Variants in GSE1 observed in about 807,000 individuals in gnomAD.
GSE1 encodes Gse1 coiled-coil protein, also known as genetic suppressor element 1.
A neutral mutation model predicts 112.6 loss-of-function variants in GSE1; 32 were observed. That is an observed-to-expected ratio of 0.28 (90% confidence interval 0.21 to 0.38). The LOEUF is 0.38. Among genes scored for constraint, GSE1 ranks in the 10% least tolerant of loss-of-function variants. The pLI, the probability that GSE1 is intolerant of heterozygous loss-of-function variation, is 1.00. For missense variants in GSE1, 2,348 were observed against 1,699.2 expected (o/e 1.38, Z -6.71); for synonymous variants, 1,115 against 735.6 (o/e 1.52, Z -8.35).
chr16:85,366,106 C>T (rs2047179918), intron 2 of GSE1, among the ~76,000 whole-genome samples: 1 of 152,276 alleles, frequency 6.6e-6, no homozygotes, highest in African/African-American at 2.4e-5. Flanking sequence ...CGGGCTTGGG[C>T]CTCCACCGCC....
intron 1 of GSE1, among the ~76,000 whole-genome samples, chr16:85,622,640 C>G (rs921908843): frequency 2.6e-5 from 4 of 152,178 alleles, no homozygotes; most frequent in African/African-American, 9.7e-5. Context: ...TGAGAGTGGA[C>G]CTTTTTGCAA....
At chr16:85,439,239 G>A (rs571426950) in intron 2 of GSE1, among the ~76,000 whole-genome samples, 2 of 152,366 alleles carry the variant, frequency 1.3e-5, no homozygotes, top group East Asian at 3.9e-4. Flanking sequence ...GGTGGGGCCC[G>A]GGAACAGGGG....
intron 2 of GSE1, among the ~76,000 whole-genome samples, chr16:85,542,651 G>C (rs1176370350): frequency 6.6e-6 from 1 of 152,234 alleles, no homozygotes; most frequent in Non-Finnish European, 1.5e-5. Context: ...CTCTGGCCTT[G>C]GTGCTGTGTT....
At chr16:85,296,818 T>A (rs569085841) in intron 1 of GSE1, among the ~76,000 whole-genome samples, 1 of 148,604 alleles carries the variant, frequency 6.7e-6, no homozygotes, top group South Asian at 2.1e-4. Context: ...ACTTGCTGCA[T>A]GTAACAGTCG....
At chr16:85,283,936 C>T (rs1354372173) in intron 1 of GSE1, among the ~76,000 whole-genome samples, 1 of 152,232 alleles carries the variant, frequency 6.6e-6, no homozygotes, top group Admixed American at 6.5e-5. Context: ...CCACGTCTCC[C>T]TCCTGCCCAC....
intron 1 of GSE1, among the ~76,000 whole-genome samples, chr16:85,584,761 C>T (rs796903207): frequency 6.6e-6 from 1 of 152,244 alleles, no homozygotes; most frequent in Non-Finnish European, 1.5e-5. Context: ...CCTCTAATCT[C>T]GTGCATTGGC....
chr16:85,454,367 C>T (rs118091226), intron 2 of GSE1, among the ~76,000 whole-genome samples: 2,034 of 152,338 alleles, frequency 0.013, 26 homozygotes, highest in Non-Finnish European at 0.024. Flanking sequence ...GGGGAGCGGC[C>T]AGCAGATGGC....
intron 2 of GSE1, among the ~76,000 whole-genome samples, chr16:85,437,430 G>A (rs1430985747): frequency 6.6e-6 from 1 of 152,168 alleles, no homozygotes; most frequent in East Asian, 1.9e-4. Context: ...CTGCTGGACC[G>A]GGAGGCAGCC....
At chr16:85,182,362 G>A (rs548854006) in intron 1 of GSE1, among the ~76,000 whole-genome samples, 181 of 152,272 alleles carry the variant, frequency 1.2e-3, no homozygotes, top group African/African-American at 3.9e-3. Flanking sequence ...GAGGAGGCTC[G>A]GGCCTGGCCT....
At chr16:85,598,852 T>C (rs59709089) in intron 1 of GSE1, among the ~76,000 whole-genome samples, 10,608 of 152,228 alleles carry the variant, frequency 0.07, 1,225 homozygotes, top group African/African-American at 0.24. Flanking sequence ...CATGGCCCCT[T>C]GTTTGCTGGA....
In GSE1 at chr16:85,454,396, G is replaced by A. The variant is rs866958911; in HGVS notation, c.2464+96753G>A. 1.5e-4 allele frequency among the ~76,000 whole-genome samples: 23 copies of A among 152,354 alleles called. No homozygotes were observed. The South Asian group carries it at 1.7e-3, about 11-fold the overall frequency. On this transcript the variant is annotated intron_variant, in intron 2 of 2. Coordinates refer to the GSE1 transcript ENST00000637419. ...AGATGGCTCCAAGCCAAGGCAGAAC[G>A]GCTCAGGAGGGGTGGCCAGCCAGGC... is the stretch of plus-strand genomic sequence containing the variant.
intron 1 of GSE1, among the ~76,000 whole-genome samples, chr16:85,271,331 C>G (rs1908814380): frequency 6.6e-6 from 1 of 152,218 alleles, no homozygotes; most frequent in African/African-American, 2.4e-5. Context: ...GCGCTCCTGC[C>G]TGTTTGACAT....
At chr16:85,415,138 C>G (rs539948000) in intron 2 of GSE1, among the ~76,000 whole-genome samples, 1 of 152,266 alleles carries the variant, frequency 6.6e-6, no homozygotes, top group Admixed American at 6.5e-5. Flanking sequence ...CAGGGTCTCC[C>G]TATGTTGCCC....
At chr16:85,460,159 C>T (rs900849595) in intron 2 of GSE1, among the ~76,000 whole-genome samples, 1 of 152,222 alleles carries the variant, frequency 6.6e-6, no homozygotes, top group African/African-American at 2.4e-5. Context: ...CCTACAGACA[C>T]TCCAGCCTGA....
chr16:85,438,958 G>T (rs1029132876), intron 2 of GSE1, among the ~76,000 whole-genome samples: 2 of 152,216 alleles, frequency 1.3e-5, no homozygotes, highest in Admixed American at 6.5e-5. Context: ...CACCTGAGCA[G>T]GTGTGGGCCT....
At chr16:85,554,893 C>T (rs1161535659), upstream of GSE1, 3 of 985,260 alleles carry the variant, frequency 3.0e-6, no homozygotes, top group African/African-American at 1.7e-5. Flanking sequence ...AAACGGCCCC[C>T]GCTTCGGAGC....
chr16:85,400,875 GTC>G (rs1299587873), intron 2 of GSE1, among the ~76,000 whole-genome samples: 3 of 151,894 alleles, frequency 2.0e-5, no homozygotes, highest in Non-Finnish European at 1.5e-5. Context: ...TGTTGTGTGT[GTC>G]TCTGTGTGTG....
At chr16:85,356,692 A>T (rs1476716243) in intron 1 of GSE1, among the ~76,000 whole-genome samples, 1 of 152,156 alleles carries the variant, frequency 6.6e-6, no homozygotes, top group African/African-American at 2.4e-5. Context: ...GGGTCTCCCT[A>T]TGTTGCCCAG....
In GSE1 at chr16:85,419,164, C is replaced by G. The variant is rs193137595; in HGVS notation, c.2464+61521C>G. 2.0e-5 allele frequency among the ~76,000 whole-genome samples: 3 copies of G among 152,072 alleles called. No individual in the cohort carries two copies. The highest frequency in any genetic ancestry group is 1.9e-4 in the East Asian group (1 of 5,174). On this transcript the variant is annotated intron_variant, in intron 2 of 2. Coordinates refer to the GSE1 transcript ENST00000637419. The surrounding 1 kb of genome is among the most constrained non-coding windows in gnomAD (Gnocchi z 6.5). ...AGTGACGTGATGGGAGCCCAGGCAC[C>G]GAGCCTGGGGATTCTGACAGTCAGA...
Sources: gnomAD v4.1 joint callset for allele counts (sites outside exome capture counted in the v4.1 genomes callset) on GRCh38, gnomAD v4.1.1 for gene constraint, Gnocchi (gnomAD v3.1) non-coding constraint, MANE v1.5 for transcripts, NCBI Gene and HGNC (gene_info 2026-07-23, HGNC 2026-07-21) for gene names.